The following UBE2D2 variants were observed in gnomAD, a reference collection of about 807,000 sequenced individuals.
UBE2D2 encodes ubiquitin conjugating enzyme E2 D2.
UBE2D2 carries 2 observed loss-of-function variants against 24.2 expected under a neutral mutation model. That is an observed-to-expected ratio of 0.08 (90% CI 0.03 to 0.26). The LOEUF is 0.26. Among genes scored for constraint, UBE2D2 ranks in the 10% least tolerant of loss-of-function variants. The pLI, the probability that UBE2D2 is intolerant of heterozygous loss-of-function variation, is 1.00. For missense variants in UBE2D2, 44 were observed against 177.6 expected, an observed-to-expected ratio of 0.25 and a Z score of 4.28; for synonymous variants, 58 against 56.5, an observed-to-expected ratio of 1.03 and a Z score of -0.12.
In UBE2D2 at chr5:139,547,625, C is replaced by T. The variant is rs185689931; in HGVS notation, c.-64+21013C>T. On this transcript the variant is annotated intron_variant, in intron 1 of 6. Coordinates refer to the UBE2D2 transcript ENST00000511725. Reference sequence around the variant, plus strand: ...CCTGGGTTCAAGCAGTTCTCTACCTCAGCCTTCCGAGTAGCTAGAAGCTGG... The same window carrying T: ...CCTGGGTTCAAGCAGTTCTCTACCTTAGCCTTCCGAGTAGCTAGAAGCTGG... Among the ~76,000 whole-genome samples, 40 of 152,068 alleles carry T rather than the reference C, an allele frequency of 2.6e-4. 1 individual carries two copies. The highest frequency in any genetic ancestry group is 9.1e-4 in the African/African-American group (38 of 41,536).
Position 139,600,346 on chromosome 5 carries a change from ATTTCTTTTC to A in UBE2D2, c.25-17_25-9del. On this transcript the variant is annotated splice_polypyrimidine_tract_variant and intron_variant, in intron 1 of 6. Coordinates refer to ENST00000398733, the MANE Select transcript of UBE2D2 (RefSeq NM_003339.3). ...TAAAAGGTACATTTATGTTGAATAT[ATTTCTTTTC>A]TTTCTTTTTTCTGTAGGAATTGAAT... 3 of 1,610,700 alleles carry A rather than the reference ATTTCTTTTC, an allele frequency of 1.9e-6. No individual in the cohort carries two copies. The highest frequency in any genetic ancestry group is 2.5e-6 in the Non-Finnish European group (3 of 1,178,032).
chr5:139,599,074 A>C (rs1358565477), intron 1 of UBE2D2, among the ~76,000 whole-genome samples: 1 of 151,582 alleles, frequency 6.6e-6, no homozygotes, highest in Non-Finnish European at 1.5e-5. Context: ...GACTATAGAC[A>C]TGCACCCACT....
intron 1 of UBE2D2, among the ~76,000 whole-genome samples, chr5:139,548,193 A>AAAAAAAAATAAAAATAAAAAT: frequency 2.1e-5 from 1 of 47,104 alleles, no homozygotes; most frequent in Non-Finnish European, 3.8e-5. Context: ...ATAAAAAAAA[A>AAAAAAAAATAAAAATAAAAAT]AAATAAATAA....
intron 1 of UBE2D2, among the ~76,000 whole-genome samples, chr5:139,550,760 C>A (rs983635052): frequency 6.6e-6 from 1 of 151,960 alleles, no homozygotes; most frequent in Non-Finnish European, 1.5e-5. Flanking sequence ...GTAATACTCA[C>A]TGTGAAAGTC....
At chr5:139,555,482 G>A (rs892773011) in intron 1 of UBE2D2, among the ~76,000 whole-genome samples, 1 of 151,906 alleles carries the variant, frequency 6.6e-6, no homozygotes. Flanking sequence ...AAATTCCAAG[G>A]AAAATTAGAA....
At chr5:139,622,478 C>T (rs1259161735) in intron 5 of UBE2D2, among the ~76,000 whole-genome samples, 2 of 150,552 alleles carry the variant, frequency 1.3e-5, no homozygotes, top group Non-Finnish European at 3.0e-5. Flanking sequence ...CTCTTGATCT[C>T]GTGATCCACC....
intron 1 of UBE2D2, among the ~76,000 whole-genome samples, chr5:139,542,299 G>A (rs191506393): frequency 6.6e-6 from 1 of 152,312 alleles, no homozygotes; most frequent in Non-Finnish European, 1.5e-5. Context: ...ACCACACTCA[G>A]CCTGGAAGAA....
intron 1 of UBE2D2, among the ~76,000 whole-genome samples, chr5:139,596,193 T>G (rs1355284696): frequency 6.7e-6 from 1 of 150,040 alleles, no homozygotes; most frequent in Non-Finnish European, 1.5e-5. Context: ...TGCCTGGCGT[T>G]TCTTGTGTAT....
chr5:139,598,588 T>C lies in UBE2D2; in HGVS notation c.25-1784T>C, dbSNP rs528176750. ...TTTTTTTTTTTTTTTTGAGATGGAG[T>C]CTCCCTCTGTCACCCAGGCTGGAGT... On this transcript the variant is annotated intron_variant, in intron 1 of 6. Coordinates refer to ENST00000398733, the MANE Select transcript of UBE2D2 (RefSeq NM_003339.3). 2.3e-5 allele frequency among the ~76,000 whole-genome samples: 3 copies of C among 129,148 alleles called. No individual in the cohort carries two copies. In the East Asian group the frequency reaches 6.8e-4, roughly 29 times the overall value. 84.7% of individuals were successfully genotyped at this position (129,148 alleles called of 152,430 possible).
chr5:139,566,761 A>G (rs949483854), intron 1 of UBE2D2, among the ~76,000 whole-genome samples: 9 of 152,268 alleles, frequency 5.9e-5, no homozygotes, highest in Middle Eastern at 3.4e-3. Context: ...AACTTGAGGG[A>G]GCTAGAAAAT....
chr5:139,586,010 A>G (rs1193603238), intron 1 of UBE2D2, among the ~76,000 whole-genome samples: 17 of 149,572 alleles, frequency 1.1e-4, no homozygotes, highest in African/African-American at 3.7e-4. Context: ...CTAGATTTGT[A>G]TAGTACAGTT....
At chr5:139,545,230 C>T (rs1462650086) in intron 1 of UBE2D2, among the ~76,000 whole-genome samples, 1 of 151,884 alleles carries the variant, frequency 6.6e-6, no homozygotes, top group Admixed American at 6.6e-5. Flanking sequence ...GATAGATTGT[C>T]TTCAATTTTA....
chr5:139,610,221 C>T (rs912159953), intron 2 of UBE2D2, among the ~76,000 whole-genome samples: 17 of 152,170 alleles, frequency 1.1e-4, no homozygotes, highest in African/African-American at 2.6e-4. Context: ...ACGATAAAAA[C>T]GCTACAAACA....
intron 1 of UBE2D2, among the ~76,000 whole-genome samples, chr5:139,532,238 G>A (rs1350251672): frequency 2.7e-5 from 4 of 150,278 alleles, no homozygotes; most frequent in African/African-American, 9.8e-5. Context: ...ACAGTGGCAC[G>A]ATCTCGGCTC....
chr5:139,539,009 T>G (rs1752721991), intron 1 of UBE2D2, among the ~76,000 whole-genome samples: 1 of 152,096 alleles, frequency 6.6e-6, no homozygotes, highest in Non-Finnish European at 1.5e-5. Context: ...TCAAGGGAAT[T>G]ACGTGACTGA....
intron 2 of UBE2D2, among the ~76,000 whole-genome samples, chr5:139,606,085 T>C (rs1754194107): frequency 6.6e-6 from 1 of 152,094 alleles, no homozygotes; most frequent in Non-Finnish European, 1.5e-5. Context: ...TCTCTTGAGA[T>C]CTGTGCATTC....
chr5:139,574,132 G>T (rs1753415617), intron 1 of UBE2D2, among the ~76,000 whole-genome samples: 1 of 147,150 alleles, frequency 6.8e-6, no homozygotes, highest in Non-Finnish European at 1.5e-5. Flanking sequence ...CCAGGCTGGA[G>T]TGCTATGGCG....
intron 1 of UBE2D2, among the ~76,000 whole-genome samples, chr5:139,527,623 A>G (rs1752556657): frequency 6.6e-6 from 1 of 152,228 alleles, no homozygotes; most frequent in Admixed American, 6.5e-5. Context: ...TTATATAAAA[A>G]GAGTTATATG....
chr5:139,535,958 T>C (rs956026015), intron 1 of UBE2D2, among the ~76,000 whole-genome samples: 2 of 151,776 alleles, frequency 1.3e-5, no homozygotes, highest in East Asian at 3.9e-4. Flanking sequence ...AGTGGCGTGA[T>C]CTCGGCTCAC....
Sources: allele counts gnomAD v4.1 joint callset (sites outside exome capture counted in the v4.1 genomes callset), GRCh38; gene constraint gnomAD v4.1.1; transcripts MANE v1.5; gene names NCBI Gene and HGNC (gene_info 2026-07-23, HGNC 2026-07-21).